CEP95: variants seen among roughly 807,000 people sequenced by gnomAD.
CEP95 encodes centrosomal protein of 95 kDa.
A neutral mutation model predicts 111.2 loss-of-function variants in CEP95; 98 were observed. The observed-to-expected ratio is 0.88, with a 90% CI of 0.75 to 1.04. The LOEUF (loss-of-function observed/expected upper bound fraction) is 1.04, where lower values mean the gene tolerates loss of function less well. Ranked by LOEUF, CEP95 falls within the 50% of genes least tolerant of loss-of-function variation. The pLI is 0.00. For synonymous variants in CEP95, 323 were observed against 327.1 expected, an observed-to-expected ratio of 0.99 and a Z score of 0.14; for missense variants, 1,027 against 977.2, an observed-to-expected ratio of 1.05 and a Z score of -0.68.
In CEP95 at chr17:64,537,857, C is replaced by CT. The variant is rs1382909492; in HGVS notation, c.*79dup. On this transcript the variant is annotated 3_prime_UTR_variant, in exon 20 of 20. Transcript: ENST00000556440. ...AGCTAGAATCGAGCCAGTAAACAGT[C>CT]TAAGCCAGAAAAATAATTTTCAAAT... 2 of 745,492 alleles carry CT rather than the reference C, an allele frequency of 2.7e-6. No individual in the cohort carries two copies. Among genetic ancestry groups the CT allele is most frequent in the Non-Finnish European group, 3.8e-6 (2 of 522,168 alleles). The allele number at this position is 745,492 out of a possible 1,614,324, so 46.2% of individuals were successfully genotyped here. A position where few individuals can be genotyped will look rare whatever the true frequency, so the allele number is the denominator to read the frequency against.
At chr17:64,515,821 T>A (rs1038508143) in intron 4 of CEP95, 4 of 152,216 alleles carry the variant, frequency 2.6e-5, no homozygotes, top group Non-Finnish European at 4.4e-5. Flanking sequence ...TTATCACTAA[T>A]CATATCAGCT....
intron 18 of CEP95, 44 bp downstream of exon 18, chr17:64,536,792 C>G: frequency 6.4e-7 from 1 of 1,560,472 alleles, no homozygotes; most frequent in Non-Finnish European, 8.6e-7. Context: ...TTAGTCCTGA[C>G]CACTTGCCCT....
At position 64,508,784 on chromosome 17, in the gene CEP95, A is replaced by G. The variant is rs542203163; in HGVS notation, c.148+64A>G. On this transcript the variant is annotated intron_variant, in intron 2 of 19. Coordinates refer to ENST00000556440, the MANE Select transcript of CEP95 (RefSeq NM_138363.3). ...TTAGGCCAAAAGTTTTTAGTCCTTT[A>G]GTTAGATTCTTTGATATTTATAAAA... is the stretch of plus-strand genomic sequence containing the variant. 1.5e-5 allele frequency: 11 copies of G among 736,186 alleles called. No homozygotes were observed. In the African/African-American group the frequency reaches 2.0e-4, roughly 13 times the overall value. 45.6% of individuals were successfully genotyped at this position (736,186 alleles called of 1,614,324 possible).
At chr17:64,526,255 A>C in intron 10 of CEP95, 55 bp downstream of exon 10, 5 of 1,500,516 alleles carry the variant, frequency 3.3e-6, no homozygotes, top group Non-Finnish European at 4.5e-6. Context: ...GTGAGCATTT[A>C]AGTAATCTCT....
At position 64,537,683 on chromosome 17, in the gene CEP95, T is replaced by C; in HGVS notation, c.2370T>C (p.Asn790=). 1 of 1,613,190 alleles carries C rather than the reference T, an allele frequency of 6.2e-7. No homozygotes were observed. Among genetic ancestry groups the C allele is most frequent in the Non-Finnish European group, 8.5e-7 (1 of 1,179,446 alleles). ...IQQLQDMITQ[N]DDDVFFRELE... is the part of the protein sequence containing the mutation. ...AGCTGCAGGACATGATAACACAGAA[T>C]GATGATGATGTTTTCTTCCGGGAAC... The change falls in exon 20 of 20, where the codon AAT becomes AAC. Residue 790 remains asparagine (N), a synonymous_variant. Transcript: ENST00000556440.
chr17:64,510,932 G>A (rs373213785), intron 3 of CEP95, among the ~76,000 whole-genome samples: 13 of 152,328 alleles, frequency 8.5e-5, no homozygotes, highest in African/African-American at 3.1e-4. Context: ...TAAAGGGACA[G>A]AGTACAAAAG....
rs782437630 is a variant in CEP95, at chr17:64,522,894, G to A, written c.908G>A (p.Gly303Glu). The A allele has an allele frequency of 2.2e-5, 36 of 1,603,530 alleles. No homozygotes were observed. Among genetic ancestry groups the A allele is most frequent in the Non-Finnish European group, 2.7e-5 (32 of 1,174,834 alleles). Residue 303 changes from glycine (G) to glutamate (E), a missense_variant and splice_region_variant, in exon 8 of 20, where the codon GGG becomes GAG. Transcript: ENST00000556440. ...NSTGEHTEFSGDLDDGLFLIS... is the reference protein window; with the variant it reads ...NSTGEHTEFSEDLDDGLFLIS... ...ACTGGAGAGCATACGGAATTTTCTG[G>A]GGTAAGTGGAAAAGCTTACTTTCAG...
Position 64,532,775 on chromosome 17 carries a change from A to C in CEP95, c.1673-64A>C. ...TCACTTACATAAGCTTTGATCTACC[A>C]GGGATGTTGGATGACAGTTCTTGTC... On this transcript the variant is annotated intron_variant, in intron 14 of 19. Coordinates refer to ENST00000556440, the MANE Select transcript of CEP95 (RefSeq NM_138363.3). 1.9e-6 allele frequency: 3 copies of C among 1,546,670 alleles called. No individual in the cohort carries two copies. The Admixed American group carries it at 6.5e-5, about 34-fold the overall frequency.
intron 4 of CEP95, among the ~76,000 whole-genome samples, 179 bp from the exon 5 acceptor site, chr17:64,516,544 C>G (rs559882646): frequency 1.3e-5 from 2 of 152,138 alleles, no homozygotes; most frequent in South Asian, 2.1e-4. Context: ...CTTTGTTACT[C>G]GAATAATACA....
chr17:64,534,518 T>C (rs1968512393), intron 16 of CEP95, 67 bp from the exon 17 acceptor site: 2 of 1,425,866 alleles, frequency 1.4e-6, no homozygotes, highest in Admixed American at 1.8e-5. Flanking sequence ...GTGAGGCAGA[T>C]GAGAACGCTG....
chr17:64,515,342 A>C, intron 4 of CEP95, among the ~76,000 whole-genome samples: 1 of 152,244 alleles, frequency 6.6e-6, no homozygotes, highest in East Asian at 1.9e-4. Context: ...CAAGGCTACC[A>C]GTAGGTATTT....
chr17:64,533,093 C>T, intron 15 of CEP95, 24 bp from the exon 16 acceptor site: 2 of 1,606,940 alleles, frequency 1.2e-6, no homozygotes, highest in Non-Finnish European at 1.7e-6. Flanking sequence ...TATTAACCTA[C>T]TTAACTTCAT....
At position 64,508,045 on chromosome 17, in the gene CEP95, C is replaced by T. The variant is rs1004148326; in HGVS notation, c.20-547C>T. Reference sequence around the variant, plus strand: ...CGATATAATAAAAAAGAAAAACTAACAAATGCATTACCGTTGATGTTGTTA... The same window carrying T: ...CGATATAATAAAAAAGAAAAACTAATAAATGCATTACCGTTGATGTTGTTA... On this transcript the variant is annotated intron_variant, in intron 1 of 19. Coordinates refer to ENST00000556440, the MANE Select transcript of CEP95 (RefSeq NM_138363.3). The T allele has an allele frequency of 1.8e-5, 18 of 985,132 alleles. No individual in the cohort carries two copies. In the South Asian group the frequency reaches 7.0e-4, roughly 39 times the overall value. 61.0% of individuals were successfully genotyped at this position (985,132 alleles called of 1,614,324 possible).
Position 64,532,369 on chromosome 17 carries a change from G to C in CEP95, c.1672+347G>C, listed in dbSNP as rs781982052. 130 of 985,290 alleles carry C rather than the reference G, an allele frequency of 1.3e-4. 1 individual carries two copies. The highest frequency in any genetic ancestry group is 1.6e-4 in the Non-Finnish European group (129 of 829,922). The allele number at this position is 985,290 out of a possible 1,614,324, so 61.0% of individuals were successfully genotyped here. A position where few individuals can be genotyped will look rare whatever the true frequency, so the allele number is the denominator to read the frequency against. Reference sequence around the variant, plus strand: ...ATGCTCCAAGGCAAGCAGATGGCCTGTCCACCTCCTATATATTGACAGTGC... The same window carrying C: ...ATGCTCCAAGGCAAGCAGATGGCCTCTCCACCTCCTATATATTGACAGTGC... On this transcript the variant is annotated intron_variant, in intron 14 of 19. Transcript: ENST00000556440.
In CEP95 at chr17:64,522,854, C is replaced by T. The variant is rs1346531744; in HGVS notation, c.868C>T (p.Pro290Ser). The change falls in exon 8 of 20, where the codon CCA becomes TCA. Residue 290 changes from proline (P) to serine (S), a missense_variant. By Grantham distance (74) the Pro-to-Ser change is moderately conservative. Coordinates refer to ENST00000556440, the MANE Select transcript of CEP95 (RefSeq NM_138363.3). ...ATACTTGCATTCAAGTCACTGCTCC[C>T]CAGCCGTAAATTCTACTGGAGAGCA... ...KEYLHSSHCS[P>S]AVNSTGEHTE... is the part of the protein sequence containing the mutation. The T allele has an allele frequency of 1.9e-6, 3 of 1,613,024 alleles. No individual in the cohort carries two copies. Among genetic ancestry groups the T allele is most frequent in the Non-Finnish European group, 2.5e-6 (3 of 1,179,684 alleles).
intron 16 of CEP95, chr17:64,534,198 G>A (rs1968484434): frequency 5.0e-6 from 1 of 201,770 alleles, no homozygotes. Context: ...GTCAGATACT[G>A]TCTAATTTCC....
Position 64,525,788 on chromosome 17 carries a change from T to C in CEP95, c.928T>C (p.Phe310Leu). Residue 310 changes from phenylalanine to leucine, a missense_variant, in exon 9 of 20, where the codon TTC becomes CTC. By Grantham distance (22) the Phe-to-Leu change is conservative. Coordinates refer to ENST00000556440, the MANE Select transcript of CEP95 (RefSeq NM_138363.3). ...EFSGDLDDGL[F>L]LISKLPKGSK... ...TTAATAGGATCTAGATGATGGACTT[T>C]TCTTAATTTCCAAGTTGCCTAAAGG... 6.2e-7 allele frequency: 1 copy of C among 1,606,388 alleles called. No individual in the cohort carries two copies. The highest frequency in any genetic ancestry group is 8.5e-7 in the Non-Finnish European group (1 of 1,176,928).
rs531548175 is a variant in CEP95 at position 64,510,263 on chromosome 17, G to C, written c.239G>C (p.Ser80Thr). Residue 80 changes from serine to threonine, a missense_variant, in exon 3 of 20, where the codon AGC becomes ACC. Transcript: ENST00000556440. Reference sequence around the variant, plus strand: ...CTGGCCTTGGACTACTTGCAGGTCAGCTTGTCTCACATAACAGGTTGGTAT... The same window carrying C: ...CTGGCCTTGGACTACTTGCAGGTCACCTTGTCTCACATAACAGGTTGGTAT... ...DSLALDYLQV[S>T]LSHITGENIV... 35 of 1,602,796 alleles carry C rather than the reference G, an allele frequency of 2.2e-5. No individual in the cohort carries two copies. The highest frequency in any genetic ancestry group is 1.8e-4 in the South Asian group (16 of 90,102).
intron 14 of CEP95, 76 bp downstream of exon 14, chr17:64,532,098 A>T: frequency 3.7e-5 from 52 of 1,417,758 alleles, no homozygotes; most frequent in Non-Finnish European, 4.7e-5. Context: ...AGGACACAGC[A>T]CTGAAAGCTA....
Sources: allele counts gnomAD v4.1 joint callset (sites outside exome capture counted in the v4.1 genomes callset), GRCh38; gene constraint gnomAD v4.1.1; transcripts MANE v1.5; gene names NCBI Gene and HGNC (gene_info 2026-07-23, HGNC 2026-07-21).